Variants in C1QTNF3 observed in about 807,000 individuals in gnomAD.
C1QTNF3 encodes complement C1q tumor necrosis factor-related protein 3.
Under a neutral mutation model 32.6 loss-of-function variants are expected in C1QTNF3, and 26 were observed. That is an observed-to-expected ratio of 0.80 (90% CI 0.58 to 1.11). The LOEUF is 1.11. C1QTNF3 is among the 50% of genes least tolerant of loss of function. The pLI, the probability that C1QTNF3 is intolerant of heterozygous loss-of-function variation, is 0.00. For missense variants in C1QTNF3, 362 were observed against 398.2 expected (o/e 0.91, Z 0.77); for synonymous variants, 155 against 146.0 (o/e 1.06, Z -0.44).
chr5:34,205,582 G>T, the C1QTNF3 span, among the ~76,000 whole-genome samples: 6 of 152,024 alleles, frequency 3.9e-5, no homozygotes, highest in African/African-American at 1.5e-4. Context: ...CTTCTGCTAT[G>T]ACTGTATGTT....
At chr5:34,048,987 T>C in the C1QTNF3 span, among the ~76,000 whole-genome samples, 1 of 152,224 alleles carries the variant, frequency 6.6e-6, no homozygotes, top group South Asian at 2.1e-4. Flanking sequence ...TCAGATCACT[T>C]CCATCTTTCC....
At chr5:34,100,592 T>C in the C1QTNF3 span, among the ~76,000 whole-genome samples, 1 of 150,674 alleles carries the variant, frequency 6.6e-6, no homozygotes, top group African/African-American at 2.4e-5. Flanking sequence ...CATATTTACA[T>C]ACTGTTTTAT....
chr5:34,020,520 A>G lies in C1QTNF3; in HGVS notation c.*63T>C, dbSNP rs2112092269. 1.3e-6 allele frequency: 2 copies of G among 1,556,506 alleles called. No homozygotes were observed. The highest frequency in any genetic ancestry group is 1.2e-5 in the South Asian group (1 of 85,374). On this transcript the variant is annotated 3_prime_UTR_variant, in exon 6 of 6. Transcript: ENST00000382065. ...AAAACCCTCAACTTTAATGTTCCTC[A>G]GATCGTAACAAATCAGCTCAGCTAC...
chr5:34,053,721 G>C, the C1QTNF3 span, among the ~76,000 whole-genome samples: 3 of 152,260 alleles, frequency 2.0e-5, no homozygotes, highest in Admixed American at 1.3e-4. Flanking sequence ...ATATTTGACC[G>C]AATAATAGCC....
chr5:34,095,257 T>C, the C1QTNF3 span, among the ~76,000 whole-genome samples: 1 of 151,960 alleles, frequency 6.6e-6, no homozygotes, highest in Non-Finnish European at 1.5e-5. Flanking sequence ...AAATTCCTAA[T>C]GTAAGATAAA....
Position 34,028,808 on chromosome 5 carries a change from T to G in C1QTNF3, c.646A>C (p.Asn216His), listed in dbSNP as rs767658386. The change falls in exon 4 of 6, where the codon AAC (asparagine) becomes CAC (histidine). Residue 216 changes from asparagine (N) to histidine (H), a missense_variant. Transcript: ENST00000382065. ...ATGACATCAAAGAAGTTTCCAATGT[T>G]GGTCTCAACACTGCTGAAGATAATC... Reference protein sequence around the residue: ...SGIIFSSVETNIGNFFDVMTG... With the variant: ...SGIIFSSVETHIGNFFDVMTG... 5 of 1,612,730 alleles carry G rather than the reference T, an allele frequency of 3.1e-6. No individual in the cohort carries two copies. The highest frequency in any genetic ancestry group is 1.3e-5 in the African/African-American group (1 of 74,874).
At chr5:34,175,534 T>C in the C1QTNF3 span, 67 of 314,328 alleles carry the variant, frequency 2.1e-4, no homozygotes, top group East Asian at 4.7e-3. Flanking sequence ...TCCTTCATCC[T>C]TGGCTATGAA....
intron 3 of C1QTNF3, among the ~76,000 whole-genome samples, chr5:34,031,932 T>G (rs568120424): frequency 6.6e-6 from 1 of 152,280 alleles, no homozygotes; most frequent in Non-Finnish European, 1.5e-5. Flanking sequence ...AGAAAAATGA[T>G]GGAACTTATA....
chr5:34,229,860 T>C, the C1QTNF3 span, among the ~76,000 whole-genome samples: 1 of 152,118 alleles, frequency 6.6e-6, no homozygotes, highest in Non-Finnish European at 1.5e-5. Context: ...TAGGTTGAGA[T>C]AATGTCATAA....
At chr5:34,229,258 T>A in the C1QTNF3 span, among the ~76,000 whole-genome samples, 13 of 152,036 alleles carry the variant, frequency 8.6e-5, no homozygotes, top group African/African-American at 3.1e-4. Context: ...AAAATTCTTA[T>A]TACATATTCA....
At chr5:34,232,453 T>C in the C1QTNF3 span, among the ~76,000 whole-genome samples, 2 of 152,024 alleles carry the variant, frequency 1.3e-5, no homozygotes, top group African/African-American at 4.8e-5. Context: ...CCCACCCAAA[T>C]CTCATCTCAA....
At chr5:34,166,739 T>C in the C1QTNF3 span, 1 of 152,176 alleles carries the variant, frequency 6.6e-6, no homozygotes, top group East Asian at 1.9e-4. Context: ...CAATAATTTA[T>C]ACTCCACTAC....
At chr5:34,048,555 C>T in the C1QTNF3 span, among the ~76,000 whole-genome samples, 2 of 152,120 alleles carry the variant, frequency 1.3e-5, no homozygotes, top group Admixed American at 6.5e-5. Flanking sequence ...GTAGGGGGCA[C>T]TGCCCAACTA....
At chr5:34,140,461 C>A in the C1QTNF3 span, among the ~76,000 whole-genome samples, 2 of 152,150 alleles carry the variant, frequency 1.3e-5, no homozygotes, top group African/African-American at 4.8e-5. Context: ...AAGTTATTAA[C>A]ACTGTCCAAT....
chr5:34,163,173 A>G, the C1QTNF3 span, among the ~76,000 whole-genome samples: 1 of 152,172 alleles, frequency 6.6e-6, no homozygotes, highest in Non-Finnish European at 1.5e-5. Flanking sequence ...ACATTTAATT[A>G]CAATTTTAGA....
At chr5:34,025,910 T>A (rs1754448140) in intron 4 of C1QTNF3, among the ~76,000 whole-genome samples, 1 of 152,232 alleles carries the variant, frequency 6.6e-6, no homozygotes, top group South Asian at 2.1e-4. Flanking sequence ...ATGATTTTCA[T>A]GACATTAAAG....
At chr5:34,087,581 T>C in the C1QTNF3 span, among the ~76,000 whole-genome samples, 1 of 137,904 alleles carries the variant, frequency 7.3e-6, no homozygotes, top group East Asian at 2.1e-4. Context: ...TTTTTTTTTT[T>C]TTTTTTTTTT....
chr5:34,177,942 G>A, the C1QTNF3 span, among the ~76,000 whole-genome samples: 1 of 152,036 alleles, frequency 6.6e-6, no homozygotes, highest in Middle Eastern at 3.4e-3. Flanking sequence ...TTCTATCAAT[G>A]CTGACCTAGA....
the C1QTNF3 span, among the ~76,000 whole-genome samples, chr5:34,133,065 C>T: frequency 5.9e-5 from 9 of 152,242 alleles, no homozygotes; most frequent in African/African-American, 9.6e-5. Context: ...GATAATGTTT[C>T]GGAGTGAATG....
Sources: allele counts gnomAD v4.1 joint callset (sites outside exome capture counted in the v4.1 genomes callset), GRCh38; gene constraint gnomAD v4.1.1; transcripts MANE v1.5; gene names NCBI Gene and HGNC (gene_info 2026-07-23, HGNC 2026-07-21).